CWC27: variants seen among roughly 807,000 people sequenced by gnomAD.
CWC27 encodes CWC27 spliceosome associated cyclophilin.
CWC27 carries 47 observed loss-of-function variants against 63.6 expected under a neutral mutation model. The ratio of observed to expected loss-of-function variants is 0.74; its 90% CI spans 0.58 to 0.94. CWC27 has a LOEUF of 0.94. Ranked by LOEUF, CWC27 falls within the 40% of genes least tolerant of loss-of-function variation. The probability of loss-of-function intolerance (pLI) is 0.00; values close to 1 mark genes in which losing one functional copy is unlikely to be tolerated. For missense variants in CWC27, 495 were observed against 554.3 expected, an observed-to-expected ratio of 0.89 and a Z score of 1.07; for synonymous variants, 175 against 179.8, an observed-to-expected ratio of 0.97 and a Z score of 0.22.
chr5:64,847,688 A>G (rs1746026233), intron 10 of CWC27, among the ~76,000 whole-genome samples: 1 of 152,188 alleles, frequency 6.6e-6, no homozygotes, highest in Non-Finnish European at 1.5e-5. Context: ...TTTTCTGACC[A>G]CAATGATATG....
rs189112715 is a variant in CWC27, at chr5:64,859,803, T to G, written c.939-25640T>G. Among the ~76,000 whole-genome samples, 653 of 152,344 alleles carry G rather than the reference T, an allele frequency of 4.3e-3. 3 individuals carry two copies. Among genetic ancestry groups the G allele is most frequent in the Non-Finnish European group, 7.3e-3 (497 of 68,012 alleles). ...AGGATTCTATTATTATGAGTGCTTA[T>G]TATGTCTCAGGGGCTGTACTGAATC... On this transcript the variant is annotated intron_variant, in intron 10 of 13. Transcript: ENST00000381070.
chr5:64,877,606 C>A (rs1010043588), intron 10 of CWC27, among the ~76,000 whole-genome samples: 7 of 151,842 alleles, frequency 4.6e-5, no homozygotes, highest in African/African-American at 1.7e-4. Context: ...GTGATAGATA[C>A]CCTTAATATC....
At chr5:64,771,511 A>T (rs574761831) in intron 1 of CWC27, among the ~76,000 whole-genome samples, 1 of 152,338 alleles carries the variant, frequency 6.6e-6, no homozygotes, top group East Asian at 1.9e-4. Flanking sequence ...GTTTTTAAGC[A>T]TAAGAGGTAA....
rs181594477 is a variant in CWC27, at chr5:64,858,910, G to A, written c.939-26533G>A. Among the ~76,000 whole-genome samples the A allele has an allele frequency of 4.4e-3, 675 of 152,196 alleles. 8 individuals carry two copies. Among genetic ancestry groups the A allele is most frequent in the African/African-American group, 0.015 (616 of 41,528 alleles). ...TTATGATACCCAAGTTTTTATCGAA[G>A]ATATGAAAACATTTGTTCACAAAAA... On this transcript the variant is annotated intron_variant, in intron 10 of 13. Transcript: ENST00000381070.
intron 10 of CWC27, among the ~76,000 whole-genome samples, chr5:64,846,602 A>G (rs1417441367): frequency 1.3e-5 from 2 of 152,236 alleles, no homozygotes; most frequent in Non-Finnish European, 2.9e-5. Flanking sequence ...GAAAGGATTC[A>G]AAGCATACCA....
chr5:64,948,336 G>T (rs1294740040), intron 11 of CWC27, among the ~76,000 whole-genome samples: 1 of 151,402 alleles, frequency 6.6e-6, no homozygotes, highest in African/African-American at 2.4e-5. Flanking sequence ...TTTGTATTTG[G>T]TTAACAATAT....
chr5:64,913,881 T>C (rs1318996330), intron 11 of CWC27, among the ~76,000 whole-genome samples: 1 of 151,958 alleles, frequency 6.6e-6, no homozygotes, highest in Admixed American at 6.6e-5. Flanking sequence ...GCAAAGACAG[T>C]CAAGATTGAG....
chr5:64,909,174 T>A lies in CWC27; in HGVS notation c.1042+23628T>A, dbSNP rs187938957. 2.3e-3 allele frequency among the ~76,000 whole-genome samples: 343 copies of A among 152,328 alleles called. 1 individual carries two copies. Among genetic ancestry groups the A allele is most frequent in the African/African-American group, 7.8e-3 (326 of 41,578 alleles). The stretch of plus-strand genomic sequence containing the variant: ...GTTTGGCTGGATATGAAATTCTGTT[T>A]TGAAAATTCTTTTCTTTAAGAATAT... On this transcript the variant is annotated intron_variant, in intron 11 of 13. Transcript: ENST00000381070.
intron 11 of CWC27, among the ~76,000 whole-genome samples, chr5:64,923,770 A>G (rs1748047641): frequency 6.6e-6 from 1 of 151,200 alleles, no homozygotes; most frequent in African/African-American, 2.4e-5. Context: ...TCTAGCTTCA[A>G]GCTAACATTT....
chr5:64,983,388 G>A (rs571336974), intron 13 of CWC27, among the ~76,000 whole-genome samples: 32 of 152,282 alleles, frequency 2.1e-4, no homozygotes, highest in South Asian at 6.2e-4. Flanking sequence ...GTACACTCAT[G>A]AGGGGATAAG....
At chr5:64,834,287 T>G (rs1382441922) in intron 10 of CWC27, among the ~76,000 whole-genome samples, 2 of 151,700 alleles carry the variant, frequency 1.3e-5, no homozygotes, top group East Asian at 1.9e-4. Context: ...ATTTGAACTT[T>G]CAGTGAACTC....
chr5:64,834,935 C>T (rs997098965), intron 10 of CWC27, among the ~76,000 whole-genome samples: 33 of 151,714 alleles, frequency 2.2e-4, no homozygotes, highest in Admixed American at 1.8e-3. Flanking sequence ...TGGGTCCTAC[C>T]GCCAAAACAA....
chr5:65,007,628 T>C (rs1749870899), intron 13 of CWC27, among the ~76,000 whole-genome samples: 1 of 250 alleles, frequency 4.0e-3, no homozygotes, highest in East Asian at 0.5. Context: ...ATCATTTTCT[T>C]TTTTTTTTTT....
chr5:64,983,031 C>A (rs1749357233), intron 13 of CWC27, among the ~76,000 whole-genome samples: 1 of 152,154 alleles, frequency 6.6e-6, no homozygotes, highest in South Asian at 2.1e-4. Context: ...TGAAACAGAA[C>A]AGTTTCATCC....
Position 64,858,218 on chromosome 5 carries a change from G to A in CWC27, c.939-27225G>A, listed in dbSNP as rs557020654. Among the ~76,000 whole-genome samples, 45 of 145,434 alleles carry A rather than the reference G, an allele frequency of 3.1e-4. No individual in the cohort carries two copies. In the South Asian group the frequency reaches 4.0e-3, roughly 13 times the overall value. The stretch of plus-strand genomic sequence containing the variant: ...CTCATGCCTGTAATCCCAGCACTTT[G>A]TGGGGCCGAGGCGGGCGGATCACGA... On this transcript the variant is annotated intron_variant, in intron 10 of 13. Transcript: ENST00000381070.
intron 10 of CWC27, among the ~76,000 whole-genome samples, chr5:64,828,244 T>G (rs900320746): frequency 5.9e-5 from 9 of 152,138 alleles, no homozygotes; most frequent in African/African-American, 2.2e-4. Context: ...ACTACCATTG[T>G]TTTCCTATTA....
intron 11 of CWC27, among the ~76,000 whole-genome samples, chr5:64,945,680 G>A (rs765549889): frequency 6.6e-6 from 1 of 152,162 alleles, no homozygotes; most frequent in Admixed American, 6.5e-5. Context: ...TTCCCCAAGA[G>A]CACTAACAGA....
intron 11 of CWC27, among the ~76,000 whole-genome samples, chr5:64,917,947 C>G (rs1020495947): frequency 8.6e-5 from 13 of 152,016 alleles, no homozygotes; most frequent in East Asian, 3.9e-4. Context: ...CACACACACA[C>G]ACAAACATAC....
intron 11 of CWC27, among the ~76,000 whole-genome samples, chr5:64,959,727 G>A (rs1748868033): frequency 6.6e-6 from 1 of 152,144 alleles, no homozygotes; most frequent in Admixed American, 6.5e-5. Flanking sequence ...GTCCCTCCAG[G>A]AACTTTTCCA....
Sources: gnomAD v4.1 joint callset for allele counts (sites outside exome capture counted in the v4.1 genomes callset) on GRCh38, gnomAD v4.1.1 for gene constraint, MANE v1.5 for transcripts, NCBI Gene and HGNC (gene_info 2026-07-23, HGNC 2026-07-21) for gene names.